Variants in SGCZ observed in about 807,000 individuals in gnomAD.
The protein encoded by SGCZ is sarcoglycan zeta, also known as zeta-sarcoglycan.
SGCZ carries 40 observed loss-of-function variants against 41.3 expected under a neutral mutation model. The ratio of observed to expected loss-of-function variants is 0.97; its 90% CI spans 0.75 to 1.26. The LOEUF is 1.26. Among genes scored for constraint, SGCZ ranks in the 50% most tolerant of loss-of-function variants. The pLI is 0.00. For synonymous variants in SGCZ, 206 were observed against 137.5 expected (o/e 1.50, Z -3.49); for missense variants, 552 against 369.8 (o/e 1.49, Z -4.04).
intron 1 of SGCZ, among the ~76,000 whole-genome samples, chr8:14,939,295 T>C (rs1392907659): frequency 6.6e-6 from 1 of 152,132 alleles, no homozygotes; most frequent in African/African-American, 2.4e-5. Flanking sequence ...TCTCCATTTA[T>C]ACTGTAAGGA....
chr8:15,235,220 C>T lies in SGCZ; in HGVS notation c.39+2365G>A, dbSNP rs572643944. 7.1e-4 allele frequency among the ~76,000 whole-genome samples: 108 copies of T among 152,302 alleles called. 4 individuals are homozygous for T. The highest frequency in any genetic ancestry group is 1.0e-3 in the South Asian group (5 of 4,826). ...CAAGAAATCTAGACAAGTTATTCCACGCGCACTGCATCCATCTCTACAAAC... is the reference window on the plus strand; with the variant it reads ...CAAGAAATCTAGACAAGTTATTCCATGCGCACTGCATCCATCTCTACAAAC... On this transcript the variant is annotated intron_variant, in intron 1 of 7. Transcript: ENST00000382080.
At chr8:14,744,356 G>A (rs1172409148) in intron 1 of SGCZ, among the ~76,000 whole-genome samples, 2 of 152,110 alleles carry the variant, frequency 1.3e-5, no homozygotes, top group Non-Finnish European at 2.9e-5. Context: ...CTATAGGCCA[G>A]AACACATTCC....
chr8:14,268,743 G>C (rs1323975272), intron 3 of SGCZ, among the ~76,000 whole-genome samples: 1 of 151,724 alleles, frequency 6.6e-6, no homozygotes, highest in Admixed American at 6.6e-5. Flanking sequence ...AATATTATAT[G>C]TACATTTGCA....
At chr8:14,238,746 TG>T (rs963808557) in intron 3 of SGCZ, among the ~76,000 whole-genome samples, 5 of 151,720 alleles carry the variant, frequency 3.3e-5, no homozygotes, top group East Asian at 3.9e-4. Context: ...TATAATGTTC[TG>T]GGGGGGGACA....
chr8:14,565,228 C>G (rs1319103509), intron 1 of SGCZ, among the ~76,000 whole-genome samples: 1 of 152,066 alleles, frequency 6.6e-6, no homozygotes, highest in East Asian at 1.9e-4. Context: ...TCTTAGTTTT[C>G]TTTACATACC....
intron 1 of SGCZ, among the ~76,000 whole-genome samples, chr8:14,955,783 T>C (rs1036561218): frequency 7.2e-5 from 11 of 152,204 alleles, no homozygotes; most frequent in Non-Finnish European, 1.3e-4. Context: ...TTTTGAATCA[T>C]GTATATCAAC....
At chr8:14,618,226 G>C (rs1806169738) in intron 1 of SGCZ, among the ~76,000 whole-genome samples, 1 of 152,082 alleles carries the variant, frequency 6.6e-6, no homozygotes, top group Non-Finnish European at 1.5e-5. Flanking sequence ...ATAATTAAAA[G>C]GTAAATGATA....
chr8:14,535,261 T>A (rs1803258067), intron 2 of SGCZ, among the ~76,000 whole-genome samples: 1 of 151,952 alleles, frequency 6.6e-6, no homozygotes, highest in South Asian at 2.1e-4. Context: ...TTATTTTTAA[T>A]TGTAAGACAT....
chr8:14,766,914 C>T (rs1419955698), intron 1 of SGCZ, among the ~76,000 whole-genome samples: 2 of 151,672 alleles, frequency 1.3e-5, no homozygotes, highest in Non-Finnish European at 2.9e-5. Flanking sequence ...TAAACTCAGA[C>T]TGTCTTAATA....
At chr8:14,845,655 A>G (rs1476424480) in intron 1 of SGCZ, among the ~76,000 whole-genome samples, 2 of 152,234 alleles carry the variant, frequency 1.3e-5, no homozygotes, top group Non-Finnish European at 2.9e-5. Flanking sequence ...CGATGCCCAA[A>G]TTGAACTTTC....
At chr8:14,809,610 A>G (rs551841237) in intron 1 of SGCZ, among the ~76,000 whole-genome samples, 124 of 152,310 alleles carry the variant, frequency 8.1e-4, no homozygotes, top group African/African-American at 2.9e-3. Context: ...AGCACAGTAG[A>G]ACAAATACTA....
chr8:14,451,501 G>T (rs1049666551), intron 2 of SGCZ, among the ~76,000 whole-genome samples: 1 of 152,112 alleles, frequency 6.6e-6, no homozygotes, highest in Admixed American at 6.6e-5. Context: ...ACCGAATAAT[G>T]ATGGCCTGTT....
intron 1 of SGCZ, among the ~76,000 whole-genome samples, chr8:14,831,168 C>G (rs17120385): frequency 0.27 from 41,348 of 151,926 alleles, 6,701 homozygotes; most frequent in African/African-American, 0.44. Flanking sequence ...ATGGATGACT[C>G]TGGCTAATAA....
chr8:14,793,593 C>T (rs1325472764), intron 1 of SGCZ, among the ~76,000 whole-genome samples: 3 of 152,030 alleles, frequency 2.0e-5, no homozygotes, highest in East Asian at 3.9e-4. Flanking sequence ...AGGAATAACC[C>T]AATGCACAGG....
At chr8:14,493,826 T>C (rs377281202) in intron 2 of SGCZ, among the ~76,000 whole-genome samples, 3 of 152,130 alleles carry the variant, frequency 2.0e-5, no homozygotes, top group Admixed American at 2.0e-4. Flanking sequence ...GTGGGATTAT[T>C]TTAGTTATAA....
intron 2 of SGCZ, among the ~76,000 whole-genome samples, chr8:14,462,050 G>T (rs1800915776): frequency 6.6e-6 from 1 of 151,862 alleles, no homozygotes; most frequent in African/African-American, 2.4e-5. Flanking sequence ...TTTACTTCCA[G>T]GCAGCCATAC....
intron 2 of SGCZ, among the ~76,000 whole-genome samples, chr8:14,418,511 A>G (rs781628761): frequency 3.5e-4 from 53 of 151,976 alleles, no homozygotes; most frequent in Non-Finnish European, 8.8e-5. Context: ...AAAGGAAATT[A>G]TATTTTATCA....
intron 2 of SGCZ, among the ~76,000 whole-genome samples, chr8:14,351,030 C>A (rs1261229452): frequency 6.6e-6 from 1 of 152,072 alleles, no homozygotes; most frequent in Non-Finnish European, 1.5e-5. Context: ...TGCTGTACAA[C>A]TTGACTGCTT....
intron 1 of SGCZ, among the ~76,000 whole-genome samples, chr8:14,869,407 C>G (rs1368761200): frequency 6.6e-6 from 1 of 152,116 alleles, no homozygotes; most frequent in Non-Finnish European, 1.5e-5. Context: ...GCTAAAAACT[C>G]ACAATAAACT....
Sources: allele counts gnomAD v4.1 joint callset (sites outside exome capture counted in the v4.1 genomes callset), GRCh38; gene constraint gnomAD v4.1.1; transcripts MANE v1.5; gene names NCBI Gene and HGNC (gene_info 2026-07-23, HGNC 2026-07-21).